The following NCOA6 variants were observed in gnomAD, a reference collection of about 807,000 sequenced individuals.
NCOA6 encodes nuclear receptor coactivator 6.
A neutral mutation model predicts 171.4 loss-of-function variants in NCOA6; 49 were observed. That is an observed-to-expected ratio of 0.29 (90% CI 0.23 to 0.36). NCOA6 has a LOEUF of 0.36. NCOA6 is among the 10% of genes least tolerant of loss of function. The pLI is 1.00. For synonymous variants in NCOA6, 910 were observed against 927.5 expected, an observed-to-expected ratio of 0.98 and a Z score of 0.34; for missense variants, 2,248 against 2,554.5, an observed-to-expected ratio of 0.88 and a Z score of 2.59.
At chr20:34,758,207 A>G in intron 6 of NCOA6, 103 bp from the exon 7 acceptor site, 3 of 1,412,750 alleles carry the variant, frequency 2.1e-6, no homozygotes, top group South Asian at 2.8e-5. Context: ...ATCTGCTGGT[A>G]CTATTCGATA....
chr20:34,820,936 G>T (rs1041341553), intron 1 of NCOA6: 1 of 152,130 alleles, frequency 6.6e-6, no homozygotes, highest in Non-Finnish European at 1.5e-5. Flanking sequence ...TCTAATCCGT[G>T]TAAAGCTGGC....
At chr20:34,816,958 T>C (rs1351161536) in intron 1 of NCOA6, among the ~76,000 whole-genome samples, 1 of 151,230 alleles carries the variant, frequency 6.6e-6, no homozygotes, top group African/African-American at 2.4e-5. Context: ...CCATCTCTAC[T>C]AAAACTACAA....
chr20:34,793,658 T>C (rs1051748697), intron 1 of NCOA6, among the ~76,000 whole-genome samples: 7 of 151,836 alleles, frequency 4.6e-5, no homozygotes, highest in Admixed American at 1.3e-4. Flanking sequence ...AGAGAAAAGA[T>C]TGATAAGTTC....
intron 14 of NCOA6, among the ~76,000 whole-genome samples, chr20:34,725,189 G>T (rs1365242228): frequency 1.3e-5 from 2 of 152,134 alleles, no homozygotes; most frequent in Admixed American, 6.5e-5. Context: ...TTACTGATTG[G>T]TACATCTCTG....
intron 13 of NCOA6, among the ~76,000 whole-genome samples, chr20:34,728,178 T>C (rs1453727005): frequency 1.3e-5 from 2 of 152,224 alleles, no homozygotes; most frequent in Non-Finnish European, 2.9e-5. Flanking sequence ...TTAACATATA[T>C]TGGCATTTAC....
chr20:34,799,049 G>A, intron 1 of NCOA6, among the ~76,000 whole-genome samples: 1 of 152,132 alleles, frequency 6.6e-6, no homozygotes, highest in Non-Finnish European at 1.5e-5. Flanking sequence ...CTTTCAGACA[G>A]AGAATTCAAA....
At chr20:34,817,264 G>A (rs1262108612) in intron 1 of NCOA6, among the ~76,000 whole-genome samples, 3 of 151,684 alleles carry the variant, frequency 2.0e-5, no homozygotes, top group African/African-American at 7.3e-5. Flanking sequence ...GTGACGGAGG[G>A]GGAGGGGTTG....
At chr20:34,821,860 T>C (rs2146790048) in intron 1 of NCOA6, among the ~76,000 whole-genome samples, 1 of 152,360 alleles carries the variant, frequency 6.6e-6, no homozygotes, top group Non-Finnish European at 1.5e-5. Flanking sequence ...GTGCTGGGAT[T>C]ACAGGCGTGA....
rs1187247630 is a variant in NCOA6 at position 34,740,344 on chromosome 20, T to A, written c.5893+19A>T. 6.3e-7 allele frequency: 1 copy of A among 1,595,016 alleles called. No homozygotes were observed. Among genetic ancestry groups the A allele is most frequent in the Non-Finnish European group, 8.6e-7 (1 of 1,168,464 alleles). On this transcript the variant is annotated intron_variant, in intron 11 of 14. Coordinates refer to ENST00000359003, the MANE Select transcript of NCOA6 (RefSeq NM_014071.5). ...TCAAAAAACTGACACAAAGAGATGA[T>A]GAAGCCCCAAGTACATACCTATGCT... is the stretch of plus-strand genomic sequence containing the variant.
Position 34,740,918 on chromosome 20 carries a change from C to A in NCOA6, c.5338G>T (p.Asp1780Tyr). 6.2e-7 allele frequency: 1 copy of A among 1,614,152 alleles called. No homozygotes were observed. The highest frequency in any genetic ancestry group is 8.5e-7 in the Non-Finnish European group (1 of 1,180,018). The change falls in exon 11 of 15, where the codon GAT becomes TAT. Residue 1780 changes from aspartate to tyrosine, a missense_variant. This residue lies in a region of NCOA6 where 884 missense variants were observed against 941.9 expected (regional missense o/e 0.94). Coordinates refer to ENST00000359003, the MANE Select transcript of NCOA6 (RefSeq NM_014071.5). The stretch of plus-strand genomic sequence containing the variant: ...TGTGAAGAGGGAAGAGTGTTCTGAT[C>A]TGCTGAGGTGTTCACCTGAGGGCTA... ...EASPQVNTSADQNTLPSSQST... is the reference protein window; with the variant it reads ...EASPQVNTSAYQNTLPSSQST...
chr20:34,755,669 G>A (rs1373532451), intron 7 of NCOA6, among the ~76,000 whole-genome samples: 1 of 152,166 alleles, frequency 6.6e-6, no homozygotes, highest in Non-Finnish European at 1.5e-5. Flanking sequence ...CATATCATCT[G>A]CTCTATGAAA....
chr20:34,740,153 G>A (rs1200162643), intron 11 of NCOA6, among the ~76,000 whole-genome samples: 5 of 152,132 alleles, frequency 3.3e-5, no homozygotes, highest in African/African-American at 4.8e-5. Flanking sequence ...GTGAGCCACC[G>A]CACCTGGCCC....
At chr20:34,763,537 A>G (rs1427114794) in intron 5 of NCOA6, among the ~76,000 whole-genome samples, 4 of 152,206 alleles carry the variant, frequency 2.6e-5, no homozygotes, top group African/African-American at 9.7e-5. Context: ...CCTAAATTGT[A>G]TAAATTCAGA....
intron 1 of NCOA6, among the ~76,000 whole-genome samples, chr20:34,807,841 G>C (rs949801124): frequency 7.0e-6 from 1 of 142,892 alleles, no homozygotes; most frequent in African/African-American, 2.5e-5. Flanking sequence ...TTTAGTTTTT[G>C]TTTTTTTGTA....
chr20:34,720,157 TAAC>T (rs1024129263), intron 14 of NCOA6, among the ~76,000 whole-genome samples: 3 of 152,228 alleles, frequency 2.0e-5, no homozygotes, highest in Admixed American at 6.5e-5. Flanking sequence ...GTTGAAAATA[TAAC>T]AACAACTATT....
chr20:34,743,363 A>G (rs2076210061), intron 10 of NCOA6, 22 bp from the exon 11 acceptor site: 1 of 1,572,878 alleles, frequency 6.4e-7, no homozygotes, highest in South Asian at 1.2e-5. Context: ...CCCCCAAATT[A>G]GGGAAGTTAG....
Position 34,749,686 on chromosome 20 carries a change from G to GCATGGCCTGCACATGAGGGGGGAC in NCOA6, c.2485_2508dup (p.Val829_Met836dup), listed in dbSNP as rs760847540. The GCATGGCCTGCACATGAGGGGGGAC allele has an allele frequency of 1.2e-6, 2 of 1,614,152 alleles. No individual in the cohort carries two copies. Among genetic ancestry groups the GCATGGCCTGCACATGAGGGGGGAC allele is most frequent in the Admixed American group, 3.3e-5 (2 of 60,026 alleles). On this transcript the variant is annotated inframe_insertion, in exon 9 of 15. Transcript: ENST00000359003. ...TGGTTTCCCGAGGCACTGTTTCCCT[G>GCATGGCCTGCACATGAGGGGGGAC]CATGGCCTGCACATGAGGGGGGACC...
chr20:34,715,859 G>A (rs1363359561), intron 14 of NCOA6, among the ~76,000 whole-genome samples: 1 of 152,202 alleles, frequency 6.6e-6, no homozygotes, highest in Non-Finnish European at 1.5e-5. Flanking sequence ...TATAGTCAAG[G>A]TCTAAACAAC....
At chr20:34,739,206 A>G (rs2076054831) in intron 11 of NCOA6, among the ~76,000 whole-genome samples, 1 of 152,252 alleles carries the variant, frequency 6.6e-6, no homozygotes, top group South Asian at 2.1e-4. Flanking sequence ...AAGAGATTAC[A>G]TCAAAAAGAA....
Sources: allele counts gnomAD v4.1 joint callset (sites outside exome capture counted in the v4.1 genomes callset), GRCh38; gene constraint gnomAD v4.1.1; regional missense constraint gnomAD v4.1.1; transcripts MANE v1.5; gene names NCBI Gene and HGNC (gene_info 2026-07-23, HGNC 2026-07-21).